LINGO2: variants seen among roughly 807,000 people sequenced by gnomAD.
LINGO2 encodes leucine-rich repeat and immunoglobulin-like domain-containing nogo receptor-interacting protein 2.
LINGO2 carries 14 observed loss-of-function variants against 30.6 expected under a neutral mutation model. The observed-to-expected ratio is 0.46, with a 90% CI of 0.30 to 0.72. LINGO2 has a LOEUF of 0.72. Among genes scored for constraint, LINGO2 ranks in the 30% least tolerant of loss-of-function variants. LINGO2 has a pLI of 0.07. For synonymous variants in LINGO2, 317 were observed against 288.5 expected, an observed-to-expected ratio of 1.10 and a Z score of -1.00; for missense variants, 729 against 751.7, an observed-to-expected ratio of 0.97 and a Z score of 0.35.
the LINGO2 span, among the ~76,000 whole-genome samples, chr9:28,699,397 C>A: frequency 6.6e-6 from 1 of 152,162 alleles, no homozygotes; most frequent in Admixed American, 6.6e-5. Context: ...CTTATAATTT[C>A]TTACGCCTGT....
chr9:29,164,764 A>G, the LINGO2 span, among the ~76,000 whole-genome samples: 3 of 150,826 alleles, frequency 2.0e-5, no homozygotes, highest in Non-Finnish European at 2.9e-5. Context: ...GCATATATGC[A>G]CGTGTGTGTA....
intron 4 of LINGO2, among the ~76,000 whole-genome samples, chr9:28,230,355 A>G (rs1821314428): frequency 6.6e-6 from 1 of 151,926 alleles, no homozygotes; most frequent in Non-Finnish European, 1.5e-5. Flanking sequence ...ATCAGATGTA[A>G]TTACAATCAA....
chr9:28,152,090 G>T (rs760006252), intron 4 of LINGO2, among the ~76,000 whole-genome samples: 4 of 152,168 alleles, frequency 2.6e-5, no homozygotes, highest in Non-Finnish European at 5.9e-5. Context: ...ATTAATAGAT[G>T]CTATAGTTTG....
At chr9:28,070,475 T>C (rs984931578) in intron 4 of LINGO2, among the ~76,000 whole-genome samples, 18 of 152,208 alleles carry the variant, frequency 1.2e-4, no homozygotes, top group African/African-American at 4.3e-4. Context: ...TTGATTGTCC[T>C]ACAGTCCTGC....
At chr9:28,816,950 A>G in the LINGO2 span, among the ~76,000 whole-genome samples, 2 of 152,212 alleles carry the variant, frequency 1.3e-5, no homozygotes, top group African/African-American at 4.8e-5. Context: ...TTCAGCTAGT[A>G]GGTCCCACAG....
the LINGO2 span, among the ~76,000 whole-genome samples, chr9:28,754,073 T>C: frequency 6.6e-6 from 1 of 150,866 alleles, no homozygotes. Context: ...TGCCCTCAAT[T>C]AAAGCTAGGT....
the LINGO2 span, among the ~76,000 whole-genome samples, chr9:28,880,854 G>A: frequency 5.3e-5 from 8 of 152,260 alleles, no homozygotes; most frequent in East Asian, 5.8e-4. Context: ...TCTTTACTCC[G>A]CTGAGATGTT....
chr9:28,775,067 T>C, the LINGO2 span, among the ~76,000 whole-genome samples: 111 of 152,234 alleles, frequency 7.3e-4, no homozygotes, highest in Non-Finnish European at 1.3e-3. Flanking sequence ...CAATAATGTG[T>C]GTGCGGATAT....
chr9:28,766,039 G>A, the LINGO2 span, among the ~76,000 whole-genome samples: 27 of 152,006 alleles, frequency 1.8e-4, no homozygotes, highest in Non-Finnish European at 2.8e-4. Flanking sequence ...CCTTGGCAGT[G>A]ATTTTTCAAA....
chr9:29,087,577 C>G, the LINGO2 span, among the ~76,000 whole-genome samples: 1 of 152,136 alleles, frequency 6.6e-6, no homozygotes, highest in Non-Finnish European at 1.5e-5. Context: ...CACACTGTTT[C>G]CCAAGACTGG....
chr9:28,858,342 A>G, the LINGO2 span, among the ~76,000 whole-genome samples: 2 of 152,056 alleles, frequency 1.3e-5, no homozygotes, highest in Non-Finnish European at 1.5e-5. Context: ...AGTTTTCTCA[A>G]ATTATGCAAT....
chr9:28,893,034 T>G, the LINGO2 span, among the ~76,000 whole-genome samples: 1 of 152,108 alleles, frequency 6.6e-6, no homozygotes, highest in South Asian at 2.1e-4. Flanking sequence ...AATTAAAAAT[T>G]TATACATGCT....
chr9:28,946,446 T>G, the LINGO2 span, among the ~76,000 whole-genome samples: 1 of 152,292 alleles, frequency 6.6e-6, no homozygotes, highest in Admixed American at 6.5e-5. Flanking sequence ...TATGGACATT[T>G]ATTCAGGTGT....
chr9:29,179,596 G>T, the LINGO2 span, among the ~76,000 whole-genome samples: 1 of 151,990 alleles, frequency 6.6e-6, no homozygotes, highest in Non-Finnish European at 1.5e-5. Flanking sequence ...GTAGAGACAG[G>T]GTTTCATGAT....
chr9:27,990,530 A>G (rs1166109866), intron 5 of LINGO2, among the ~76,000 whole-genome samples: 4 of 148,900 alleles, frequency 2.7e-5, no homozygotes, highest in Non-Finnish European at 6.0e-5. Flanking sequence ...CCAATGGAAT[A>G]TAATATATGA....
At chr9:28,154,588 A>G (rs1449163361) in intron 4 of LINGO2, among the ~76,000 whole-genome samples, 2 of 152,220 alleles carry the variant, frequency 1.3e-5, no homozygotes, top group Non-Finnish European at 2.9e-5. Context: ...CTTTCCACCT[A>G]TTAAATCTCA....
At chr9:28,255,454 G>A (rs1822352209) in intron 4 of LINGO2, among the ~76,000 whole-genome samples, 1 of 152,004 alleles carries the variant, frequency 6.6e-6, no homozygotes, top group African/African-American at 2.4e-5. Flanking sequence ...GAATATCCTG[G>A]GGCAAGTAAC....
At chr9:28,166,211 C>T (rs1828422417) in intron 4 of LINGO2, among the ~76,000 whole-genome samples, 1 of 152,080 alleles carries the variant, frequency 6.6e-6, no homozygotes, top group Non-Finnish European at 1.5e-5. Context: ...AACAAAAACC[C>T]ATAGCCTTTG....
the LINGO2 span, among the ~76,000 whole-genome samples, chr9:28,965,940 G>A: frequency 6.6e-5 from 10 of 152,138 alleles, no homozygotes; most frequent in African/African-American, 9.6e-5. Flanking sequence ...ATATTTTTGC[G>A]AAGCAAAGCT....
Sources: gnomAD v4.1 joint callset for allele counts (sites outside exome capture counted in the v4.1 genomes callset) on GRCh38, gnomAD v4.1.1 for gene constraint, MANE v1.5 for transcripts, NCBI Gene and HGNC (gene_info 2026-07-23, HGNC 2026-07-21) for gene names.